MGA: variants seen among roughly 807,000 people sequenced by gnomAD.
MGA encodes the protein MAX dimerization protein MGA.
Under a neutral mutation model 261.1 loss-of-function variants are expected in MGA, and 40 were observed. The observed-to-expected ratio is 0.15, with a 90% confidence interval of 0.12 to 0.20. MGA has a LOEUF of 0.20. MGA is among the 10% of genes least tolerant of loss of function. MGA has a pLI of 1.00. For synonymous variants in MGA, 1,302 were observed against 1,290.6 expected (o/e 1.01, Z -0.19); for missense variants, 3,397 against 3,630.5 (o/e 0.94, Z 1.65).
At chr15:41,690,171 T>C (rs2059198607) in intron 2 of MGA, among the ~76,000 whole-genome samples, 1 of 152,224 alleles carries the variant, frequency 6.6e-6, no homozygotes. Flanking sequence ...TTTGGATATT[T>C]TATATAAATG....
In MGA at chr15:41,767,212, C is replaced by G; in HGVS notation, c.9130C>G (p.Pro3044Ala). Residue 3044 changes from proline to alanine, a missense_variant, in exon 24 of 24, where the codon CCT becomes GCT. Pro to Ala is a conservative substitution (Grantham distance 27). This residue lies in a region of MGA where 647 missense variants were observed against 642.4 expected (regional missense o/e 1.01). Transcript: ENST00000219905. ...GGAAGGCCGGGAAAGCAAGGTGATG[C>G]CTACATTGGCACCTGTTGTGGCTAA... is the stretch of plus-strand genomic sequence containing the variant. 6.2e-7 allele frequency: 1 copy of G among 1,613,968 alleles called. No homozygotes were observed. Among genetic ancestry groups the G allele is most frequent in the Non-Finnish European group, 8.5e-7 (1 of 1,179,884 alleles).
At chr15:41,753,830 G>C (rs1423612348) in intron 17 of MGA, among the ~76,000 whole-genome samples, 1 of 152,110 alleles carries the variant, frequency 6.6e-6, no homozygotes, top group Non-Finnish European at 1.5e-5. Flanking sequence ...ATATATCTGT[G>C]CCTGAATTTT....
At chr15:41,740,335 G>A (rs2062022231) in intron 14 of MGA, 132 bp downstream of exon 14, 1 of 1,033,820 alleles carries the variant, frequency 9.7e-7, no homozygotes, top group Non-Finnish European at 1.4e-6. Context: ...TGTCTGTCTT[G>A]CCTGGACTTT....
intron 12 of MGA, 52 bp from the exon 13 acceptor site, chr15:41,736,129 G>T: frequency 7.3e-7 from 1 of 1,371,190 alleles, no homozygotes; most frequent in South Asian, 1.6e-5. Context: ...AAAATGCTGT[G>T]ATGCAGAAAT....
At chr15:41,654,001 C>T (rs184512041) in intron 1 of MGA, among the ~76,000 whole-genome samples, 2 of 152,174 alleles carry the variant, frequency 1.3e-5, no homozygotes, top group African/African-American at 2.4e-5. Context: ...GTGTCTCCCC[C>T]ACCCTGATTC....
chr15:41,696,749 A>G lies in MGA; in HGVS notation c.1739A>G (p.Lys580Arg). Residue 580 changes from lysine to arginine, a missense_variant, in exon 3 of 24, where the codon AAA becomes AGA. By Grantham distance (26) the Lys-to-Arg change is conservative. Around this residue, in one of 9 missense-constraint regions of MGA, gnomAD observed 563 missense variants for 563.6 expected, o/e 1.00. Transcript: ENST00000219905. ...TCAGTTGGAGACTCACTTTCAGGAAAAGAGGACTTGGGCAGAAAGAGAACA... is the reference window on the plus strand; with the variant it reads ...TCAGTTGGAGACTCACTTTCAGGAAGAGAGGACTTGGGCAGAAAGAGAACA... The G allele has an allele frequency of 6.2e-7, 1 of 1,611,350 alleles. No homozygotes were observed. The highest frequency in any genetic ancestry group is 8.5e-7 in the Non-Finnish European group (1 of 1,178,650).
At chr15:41,663,184 A>C (rs1301148568) in intron 1 of MGA, among the ~76,000 whole-genome samples, 1 of 152,166 alleles carries the variant, frequency 6.6e-6, no homozygotes, top group Non-Finnish European at 1.5e-5. Flanking sequence ...TTACCTAAAA[A>C]ATGTTTTCTA....
intron 1 of MGA, among the ~76,000 whole-genome samples, chr15:41,667,465 T>C (rs1277602377): frequency 6.6e-6 from 1 of 151,896 alleles, no homozygotes; most frequent in Non-Finnish European, 1.5e-5. Context: ...AGGCTGGTCT[T>C]GAGCTCCTGA....
Position 41,736,598 on chromosome 15 carries a change from A to C in MGA, c.4334A>C (p.His1445Pro). The change falls in exon 13 of 24, where the codon CAT becomes CCT. Residue 1445 changes from histidine to proline, a missense_variant. Physicochemically the swap from His to Pro is moderately conservative, Grantham distance 77 (BLOSUM62 -2). This residue lies in a region of MGA where 1,410 missense variants were observed against 1,386.4 expected (regional missense o/e 1.02). Transcript: ENST00000219905. Reference sequence around the variant, plus strand: ...CTGGATTCAGTGAGGGAGAGATTACATGGAGGCAAAGGTCTGCCTTTTTAT... The same window carrying C: ...CTGGATTCAGTGAGGGAGAGATTACCTGGAGGCAAAGGTCTGCCTTTTTAT... 1.2e-6 allele frequency: 2 copies of C among 1,614,024 alleles called. No individual in the cohort carries two copies. The highest frequency in any genetic ancestry group is 1.7e-6 in the Non-Finnish European group (2 of 1,179,896).
intron 10 of MGA, 84 bp from the exon 11 acceptor site, chr15:41,729,080 A>G: frequency 7.2e-7 from 1 of 1,388,498 alleles, no homozygotes; most frequent in South Asian, 1.3e-5. Flanking sequence ...TGTAATACAA[A>G]AAAAGATTAA....
chr15:41,636,282 TTTTTATTTTA>T (rs1342081980), intron 1 of MGA, among the ~76,000 whole-genome samples: 1 of 150,740 alleles, frequency 6.6e-6, no homozygotes, highest in Non-Finnish European at 1.5e-5. Flanking sequence ...CAGACTAAAT[TTTTTATTTTA>T]TTTTATTTTA....
At position 41,759,825 on chromosome 15, in the gene MGA, A is replaced by G. The variant is rs60082837; in HGVS notation, c.7192-498A>G. Among the ~76,000 whole-genome samples the G allele has an allele frequency of 9.2e-4, 140 of 152,234 alleles. No individual in the cohort carries two copies. The East Asian group carries it at 0.026, about 29-fold the overall frequency. On this transcript the variant is annotated intron_variant, in intron 19 of 23. Transcript: ENST00000219905. ...CTAGGTACAGGTAAAAAGCCTGTGT[A>G]ATGTCAGGGAGGTGTGGGATTGTGT...
At chr15:41,661,890 A>C (rs148131743) in intron 1 of MGA, among the ~76,000 whole-genome samples, 2 of 152,260 alleles carry the variant, frequency 1.3e-5, no homozygotes, top group South Asian at 2.1e-4. Flanking sequence ...TGGGTCCCGC[A>C]GAGCGATCAT....
At chr15:41,648,430 A>C (rs1360510142) in intron 1 of MGA, among the ~76,000 whole-genome samples, 2 of 152,234 alleles carry the variant, frequency 1.3e-5, no homozygotes, top group Non-Finnish European at 2.9e-5. Flanking sequence ...GCTGTTATTC[A>C]TGGAGGAGAC....
intron 11 of MGA, among the ~76,000 whole-genome samples, chr15:41,732,235 G>A (rs568507639): frequency 1.0e-4 from 15 of 150,612 alleles, no homozygotes; most frequent in South Asian, 6.3e-4. Flanking sequence ...TGCAAGCTTC[G>A]CTTTCCAGTT....
At chr15:41,640,079 G>T (rs528022559) in intron 1 of MGA, among the ~76,000 whole-genome samples, 14 of 152,110 alleles carry the variant, frequency 9.2e-5, no homozygotes, top group Admixed American at 8.5e-4. Context: ...ATCAAGGCAG[G>T]CTTCATGAAA....
chr15:41,705,290 G>A (rs774547826), intron 5 of MGA, among the ~76,000 whole-genome samples: 96 of 151,762 alleles, frequency 6.3e-4, no homozygotes, highest in Non-Finnish European at 9.1e-4. Context: ...TTTACCTCTC[G>A]TAGGGACTTA....
At chr15:41,710,019 T>G (rs1045098062) in intron 7 of MGA, among the ~76,000 whole-genome samples, 3 of 151,800 alleles carry the variant, frequency 2.0e-5, no homozygotes, top group Admixed American at 6.6e-5. Context: ...TAGAGACGGG[T>G]TTTCTCCATG....
intron 1 of MGA, among the ~76,000 whole-genome samples, chr15:41,653,975 G>T (rs1216840773): frequency 6.6e-6 from 1 of 152,170 alleles, no homozygotes; most frequent in Non-Finnish European, 1.5e-5. Context: ...CCACCGTAAA[G>T]GATTTCCTGT....
Sources: allele counts gnomAD v4.1 joint callset (sites outside exome capture counted in the v4.1 genomes callset), GRCh38; gene constraint gnomAD v4.1.1; regional missense constraint gnomAD v4.1.1; transcripts MANE v1.5; gene names NCBI Gene and HGNC (gene_info 2026-07-23, HGNC 2026-07-21).